SH3KBP1: variants seen among roughly 807,000 people sequenced by gnomAD.
SH3KBP1 encodes the protein SH3 domain containing kinase binding protein 1, also known as SH3 domain-containing kinase-binding protein 1.
In SH3KBP1, 8 loss-of-function variants were observed where a neutral mutation model predicts 50.1. The observed-to-expected ratio is 0.16, with a 90% CI of 0.09 to 0.29. SH3KBP1 has a LOEUF of 0.29. SH3KBP1 is among the 10% of genes least tolerant of loss of function. The pLI is 1.00. For synonymous variants in SH3KBP1, 227 were observed against 218.6 expected, an observed-to-expected ratio of 1.04 and a Z score of -0.34; for missense variants, 377 against 535.2, an observed-to-expected ratio of 0.70 and a Z score of 2.92.
chrX:19,846,312 AG>A (rs747882038), intron 1 of SH3KBP1, among the ~76,000 whole-genome samples: 11 of 112,457 alleles, frequency 9.8e-5, no homozygotes, highest in Non-Finnish European at 2.1e-4. Context: ...AGCTTCCCAA[AG>A]TGCTGGGATT....
At chrX:19,625,343 G>GT in intron 8 of SH3KBP1, among the ~76,000 whole-genome samples, 1 of 106,748 alleles carries the variant, frequency 9.4e-6, no homozygotes. Flanking sequence ...ATTTTTTTTT[G>GT]CCCCCCGACA....
chrX:19,853,103 A>G (rs1398788318), intron 1 of SH3KBP1, among the ~76,000 whole-genome samples: 2 of 112,790 alleles, frequency 1.8e-5, no homozygotes, highest in East Asian at 5.5e-4. Context: ...AAAATGCACT[A>G]CAGAATTTTC....
At chrX:19,777,925 G>C (rs776877611) in intron 2 of SH3KBP1, among the ~76,000 whole-genome samples, 27 of 111,181 alleles carry the variant, frequency 2.4e-4, no homozygotes, top group Non-Finnish European at 4.7e-4. Context: ...TCTGGTGTGA[G>C]AGTCACCACC....
In SH3KBP1 at chrX:19,653,254, G is replaced by A. The variant is rs868043798; in HGVS notation, c.727-7779C>T. Among the ~76,000 whole-genome samples the A allele has an allele frequency of 8.1e-5, 9 of 111,515 alleles. No individual in the cohort carries two copies. In the South Asian group the frequency reaches 1.5e-3, roughly 19 times the overall value. The stretch of plus-strand genomic sequence containing the variant: ...TCCTGCCTTGGCCTCCCAAAGTGCC[G>A]GGATTACAGGCATGAGCCATCACAC... On this transcript the variant is annotated intron_variant, in intron 6 of 17. Coordinates refer to ENST00000397821, the MANE Select transcript of SH3KBP1 (RefSeq NM_031892.3).
intron 10 of SH3KBP1, among the ~76,000 whole-genome samples, chrX:19,593,050 G>A (rs777716419): frequency 1.8e-5 from 2 of 112,293 alleles, no homozygotes; most frequent in Admixed American, 9.4e-5. Context: ...GGTCCTTCAA[G>A]TATTACATTT....
intron 2 of SH3KBP1, among the ~76,000 whole-genome samples, chrX:19,787,004 C>T (rs934372061): frequency 1.5e-4 from 17 of 111,563 alleles, no homozygotes; most frequent in African/African-American, 5.2e-4. Flanking sequence ...TTTATTAAAA[C>T]CTGGTAGTTC....
At chrX:19,653,505 G>A (rs1479538574) in intron 6 of SH3KBP1, among the ~76,000 whole-genome samples, 1 of 110,063 alleles carries the variant, frequency 9.1e-6, no homozygotes, top group African/African-American at 3.3e-5. Flanking sequence ...GAGGTCAGGA[G>A]GTCGAGACTG....
At chrX:19,542,339 C>T in intron 15 of SH3KBP1, 146 bp from the exon 16 acceptor site, 1 of 559,258 alleles carries the variant, frequency 1.8e-6, no homozygotes, top group Non-Finnish European at 2.6e-6. Context: ...CACAAGCCAC[C>T]AAGGGCCTGC....
At chrX:19,707,189 G>A (rs1376155633) in intron 3 of SH3KBP1, 1 of 518,284 alleles carries the variant, frequency 1.9e-6, no homozygotes, top group East Asian at 3.5e-5. Context: ...AAAAGCTGCT[G>A]GGTCAGAAAG....
chrX:19,534,421 A>T lies in SH3KBP1; in HGVS notation c.*1996T>A, dbSNP rs2064660905. The T allele has an allele frequency of 8.9e-6, 1 of 112,539 alleles. No individual in the cohort carries two copies. The highest frequency in any genetic ancestry group is 9.6e-5 in the Admixed American group (1 of 10,421). The allele number at this position is 112,539 out of a possible 1,213,427, so 9.3% of individuals were successfully genotyped here. ...GTTCCAACCGCTCAATTTCATCAAC[A>T]ATCCTACTCTGTATACACATTATAT... On this transcript the variant is annotated 3_prime_UTR_variant, in exon 18 of 18. Coordinates refer to ENST00000397821, the MANE Select transcript of SH3KBP1 (RefSeq NM_031892.3).
intron 2 of SH3KBP1, among the ~76,000 whole-genome samples, chrX:19,769,476 T>C (rs1249704336): frequency 9.0e-6 from 1 of 110,932 alleles, no homozygotes; most frequent in Non-Finnish European, 1.9e-5. Flanking sequence ...ATTGTTGATT[T>C]AGCATCACTT....
intron 8 of SH3KBP1, among the ~76,000 whole-genome samples, chrX:19,617,738 G>A (rs753638157): frequency 1.8e-5 from 2 of 111,854 alleles, no homozygotes; most frequent in African/African-American, 6.5e-5. Flanking sequence ...GGAGGCCAAA[G>A]GTTGTTGAAG....
At chrX:19,825,737 G>C (rs751096658) in intron 2 of SH3KBP1, among the ~76,000 whole-genome samples, 1 of 111,552 alleles carries the variant, frequency 9.0e-6, no homozygotes, top group African/African-American at 3.3e-5. Flanking sequence ...AGCCAGGCGT[G>C]GTGGTGCACG....
At chrX:19,870,524 T>A (rs1046639740) in intron 1 of SH3KBP1, among the ~76,000 whole-genome samples, 1 of 111,527 alleles carries the variant, frequency 9.0e-6, no homozygotes, top group Non-Finnish European at 1.9e-5. Flanking sequence ...CTGTATTTTT[T>A]AAATAGAGAC....
At chrX:19,743,459 GAAAA>G (rs903890903) in intron 3 of SH3KBP1, among the ~76,000 whole-genome samples, 2 of 107,301 alleles carry the variant, frequency 1.9e-5, no homozygotes, top group African/African-American at 6.8e-5. Flanking sequence ...AAGAAAGAAA[GAAAA>G]AAAAAGCCCA....
chrX:19,711,875 C>A (rs2063785375), intron 3 of SH3KBP1, among the ~76,000 whole-genome samples: 1 of 111,521 alleles, frequency 9.0e-6, no homozygotes, highest in South Asian at 3.7e-4. Context: ...ACCACCTGCA[C>A]CAGACTGTTA....
chrX:19,857,502 C>T (rs964220933), intron 1 of SH3KBP1, among the ~76,000 whole-genome samples: 5 of 110,312 alleles, frequency 4.5e-5, no homozygotes, highest in Non-Finnish European at 9.5e-5. Flanking sequence ...ATGGGTGGAT[C>T]GCTTGAGGTC....
At chrX:19,883,092 C>A (rs2069487137) in intron 1 of SH3KBP1, among the ~76,000 whole-genome samples, 1 of 112,084 alleles carries the variant, frequency 8.9e-6, no homozygotes, top group South Asian at 3.7e-4. Context: ...AACTGTAAGG[C>A]AAGGAGGGGT....
chrX:19,867,221 C>A (rs2068934695), intron 1 of SH3KBP1, among the ~76,000 whole-genome samples: 1 of 111,144 alleles, frequency 9.0e-6, no homozygotes. Context: ...GGAGTCCTTG[C>A]AGGAACCCAC....
Sources: gnomAD v4.1 joint callset for allele counts (sites outside exome capture counted in the v4.1 genomes callset) on GRCh38, gnomAD v4.1.1 for gene constraint, MANE v1.5 for transcripts, NCBI Gene and HGNC (gene_info 2026-07-23, HGNC 2026-07-21) for gene names.